Variants in XRCC1 observed in about 807,000 individuals in gnomAD.
XRCC1 encodes the protein X-ray repair cross complementing 1, also known as DNA repair protein XRCC1.
In XRCC1, 52 loss-of-function variants were observed where a neutral mutation model predicts 83.3. The observed-to-expected ratio is 0.62, with a 90% CI of 0.50 to 0.79. XRCC1 has a LOEUF of 0.79. Among genes scored for constraint, XRCC1 ranks in the 30% least tolerant of loss-of-function variants. The probability of loss-of-function intolerance (pLI) is 0.00; values close to 1 mark genes in which losing one functional copy is unlikely to be tolerated. For synonymous variants in XRCC1, 281 were observed against 312.6 expected (o/e 0.90, Z 1.07); for missense variants, 793 against 823.5 (o/e 0.96, Z 0.45).
chr19:43,551,466 G>T, intron 10 of XRCC1, 105 bp downstream of exon 10: 1 of 1,004,438 alleles, frequency 1.0e-6, no homozygotes, highest in Non-Finnish European at 1.5e-6. Flanking sequence ...CTCTGGGCTG[G>T]GACCACCTGT....
intron 2 of XRCC1, among the ~76,000 whole-genome samples, chr19:43,562,839 C>T (rs919553294): frequency 2.0e-5 from 3 of 152,216 alleles, no homozygotes; most frequent in African/African-American, 7.2e-5. Context: ...GCACTGAGCG[C>T]TCCTGGTGTG....
At chr19:43,548,045 T>TC (rs1972531159) in intron 10 of XRCC1, among the ~76,000 whole-genome samples, 3 of 14,506 alleles carry the variant, frequency 2.1e-4, no homozygotes, top group Non-Finnish European at 4.2e-4. Context: ...GGGAGGGAGG[T>TC]GGGGGGCCAG....
intron 7 of XRCC1, 37 bp from the exon 8 acceptor site, chr19:43,552,945 T>C (rs781347646): frequency 4.3e-6 from 7 of 1,610,422 alleles, no homozygotes; most frequent in Non-Finnish European, 5.9e-6. Flanking sequence ...CTCCAGCTTC[T>C]CTCCTCCTCC....
intron 14 of XRCC1, among the ~76,000 whole-genome samples, chr19:43,544,557 A>G (rs1202208356): frequency 6.6e-6 from 1 of 150,628 alleles, no homozygotes; most frequent in Non-Finnish European, 1.5e-5. Context: ...CCCAGGCTGG[A>G]GTGCAGTGGC....
chr19:43,544,734 C>G (rs1216731868), intron 14 of XRCC1, among the ~76,000 whole-genome samples: 1 of 152,170 alleles, frequency 6.6e-6, no homozygotes, highest in African/African-American at 2.4e-5. Flanking sequence ...GTCTCAAACT[C>G]TTGGGCTCAA....
chr19:43,549,411 C>T lies in XRCC1; in HGVS notation c.1199+2160G>A, dbSNP rs143890473. ...AGTAGCTGGGGCTACAGGTGTGCGC[C>T]ACCATGCCCAGCTAATTTTTGTATT... is the stretch of plus-strand genomic sequence containing the variant. On this transcript the variant is annotated intron_variant, in intron 10 of 16. Coordinates refer to ENST00000262887, the MANE Select transcript of XRCC1 (RefSeq NM_006297.3). Among the ~76,000 whole-genome samples, 333 of 152,268 alleles carry T rather than the reference C, an allele frequency of 2.2e-3. 7 individuals carry two copies. Among genetic ancestry groups the T allele is most frequent in the African/African-American group, 7.3e-3 (304 of 41,536 alleles).
chr19:43,572,181 C>T (rs1190827975), intron 2 of XRCC1, among the ~76,000 whole-genome samples: 1 of 152,204 alleles, frequency 6.6e-6, no homozygotes, highest in Non-Finnish European at 1.5e-5. Flanking sequence ...TCTGTTTCCA[C>T]AGCAACTGGG....
intron 2 of XRCC1, among the ~76,000 whole-genome samples, chr19:43,564,276 C>T (rs1276856566): frequency 1.3e-5 from 2 of 152,150 alleles, no homozygotes; most frequent in Non-Finnish European, 2.9e-5. Flanking sequence ...CAACCGTTTG[C>T]AGAAGTTACT....
chr19:43,557,718 G>A (rs1435388592), intron 3 of XRCC1, among the ~76,000 whole-genome samples: 1 of 150,560 alleles, frequency 6.6e-6, no homozygotes, highest in African/African-American at 2.5e-5. Context: ...TTTGTACCTG[G>A]GAGGCGGAGG....
At chr19:43,565,809 C>T (rs1177522096) in intron 2 of XRCC1, among the ~76,000 whole-genome samples, 1 of 151,956 alleles carries the variant, frequency 6.6e-6, no homozygotes, top group African/African-American at 2.4e-5. Flanking sequence ...TGGTGACACG[C>T]ACCTCAATAA....
At chr19:43,569,367 T>G (rs3213278) in intron 2 of XRCC1, among the ~76,000 whole-genome samples, 7,896 of 151,042 alleles carry the variant, frequency 0.052, 276 homozygotes, top group Middle Eastern at 0.17. Flanking sequence ...TCCCAACTAC[T>G]GAGGAGGCTG....
At chr19:43,562,469 C>T (rs3213317) in intron 2 of XRCC1, among the ~76,000 whole-genome samples, 19 of 152,104 alleles carry the variant, frequency 1.2e-4, no homozygotes, top group Admixed American at 7.2e-4. Context: ...CTTGGCCAGG[C>T]GCAGTGGCTC....
intron 3 of XRCC1, among the ~76,000 whole-genome samples, chr19:43,559,339 C>T (rs1182786917): frequency 6.6e-6 from 1 of 150,940 alleles, no homozygotes; most frequent in Non-Finnish European, 1.5e-5. Context: ...AAAAATTAGC[C>T]GGGCATGGTG....
chr19:43,575,302 C>T, intron 1 of XRCC1, 106 bp downstream of exon 1: 1 of 1,253,450 alleles, frequency 8.0e-7, no homozygotes, highest in Non-Finnish European at 1.1e-6. Context: ...CTGGAAATCC[C>T]CCCATGACTC....
At chr19:43,562,626 C>T (rs1400512654) in intron 2 of XRCC1, among the ~76,000 whole-genome samples, 1 of 152,098 alleles carries the variant, frequency 6.6e-6, no homozygotes, top group Non-Finnish European at 1.5e-5. Context: ...TACCTGTGGT[C>T]CCAGCTACTC....
chr19:43,546,374 A>G (rs554630065), intron 12 of XRCC1, among the ~76,000 whole-genome samples: 1 of 117,798 alleles, frequency 8.5e-6, no homozygotes, highest in Non-Finnish European at 1.8e-5. Flanking sequence ...TCAGACCCAG[A>G]AGCCCAGGCC....
chr19:43,555,807 G>A (rs1972630217), intron 3 of XRCC1, among the ~76,000 whole-genome samples: 1 of 152,192 alleles, frequency 6.6e-6, no homozygotes, highest in African/African-American at 2.4e-5. Context: ...CTCCGGGCAA[G>A]GACCCTGACT....
At chr19:43,544,546 G>A (rs1034998506) in intron 14 of XRCC1, among the ~76,000 whole-genome samples, 5 of 150,672 alleles carry the variant, frequency 3.3e-5, no homozygotes, top group East Asian at 2.0e-4. Context: ...TCACTCTGTC[G>A]CCCAGGCTGG....
rs147480146 is a variant in XRCC1, at chr19:43,545,825, C to G, written c.1614G>C (p.Glu538Asp). The change falls in exon 14 of 17, where the codon GAG becomes GAC. Residue 538 changes from glutamate (E) to aspartate (D), a missense_variant. Coordinates refer to ENST00000262887, the MANE Select transcript of XRCC1 (RefSeq NM_006297.3). ...GATGGGGGGATTTCCCACCTGGGAG[C>G]TCAGGGACTGGCAGATCAGGAGGCT... ...HQEPPDLPVP[E>D]LPDFFQGKHF... 7.4e-6 allele frequency: 12 copies of G among 1,613,698 alleles called. No individual in the cohort carries two copies. Among genetic ancestry groups the G allele is most frequent in the Non-Finnish European group, 1.0e-5 (12 of 1,179,756 alleles).
Sources: allele counts gnomAD v4.1 joint callset (sites outside exome capture counted in the v4.1 genomes callset), GRCh38; gene constraint gnomAD v4.1.1; transcripts MANE v1.5; gene names NCBI Gene and HGNC (gene_info 2026-07-23, HGNC 2026-07-21).